Variants in FRMD5 observed in about 807,000 individuals in gnomAD.
FRMD5 encodes FERM domain containing 5, also known as FERM domain-containing protein 5.
FRMD5 carries 20 observed loss-of-function variants against 69.0 expected under a neutral mutation model. The observed-to-expected ratio is 0.29, with a 90% confidence interval of 0.20 to 0.42. FRMD5 has a LOEUF of 0.42. FRMD5 is among the 10% of genes least tolerant of loss of function. FRMD5 has a pLI of 1.00. For missense variants in FRMD5, 595 were observed against 708.6 expected (o/e 0.84, Z 1.82); for synonymous variants, 271 against 260.1 (o/e 1.04, Z -0.40).
chr15:43,884,975 G>A (rs1748590538), intron 11 of FRMD5, 180 bp from the exon 12 acceptor site: 3 of 562,100 alleles, frequency 5.3e-6, no homozygotes, highest in Admixed American at 6.0e-5. Flanking sequence ...AAACTGTCAT[G>A]ACAGCCTATC....
intron 1 of FRMD5, among the ~76,000 whole-genome samples, chr15:43,928,990 A>C (rs1173357894): frequency 3.3e-5 from 5 of 152,250 alleles, no homozygotes; most frequent in African/African-American, 1.2e-4. Flanking sequence ...TCGTTTAAAA[A>C]ATAAATTTAT....
chr15:44,004,248 T>G (rs1212136111), intron 1 of FRMD5, among the ~76,000 whole-genome samples: 1 of 152,216 alleles, frequency 6.6e-6, no homozygotes, highest in Admixed American at 6.5e-5. Flanking sequence ...CCAGAGAAAA[T>G]GCCATAGTTT....
At chr15:44,010,887 A>C (rs571227580) in intron 1 of FRMD5, among the ~76,000 whole-genome samples, 6 of 152,200 alleles carry the variant, frequency 3.9e-5, no homozygotes, top group African/African-American at 1.4e-4. Context: ...TAAAAAAAAA[A>C]TGCTTCAGTG....
At chr15:43,965,316 T>C (rs911714811) in intron 1 of FRMD5, among the ~76,000 whole-genome samples, 2 of 152,186 alleles carry the variant, frequency 1.3e-5, no homozygotes, top group Admixed American at 1.3e-4. Flanking sequence ...TAGGATGATA[T>C]CTGCCTTTTA....
At chr15:43,949,026 G>T (rs550714608) in intron 1 of FRMD5, among the ~76,000 whole-genome samples, 1 of 152,330 alleles carries the variant, frequency 6.6e-6, no homozygotes, top group East Asian at 1.9e-4. Context: ...ACCTCTTCAT[G>T]GGACACTTCT....
At chr15:43,917,626 C>G (rs1479736379) in intron 4 of FRMD5, 2 of 152,134 alleles carry the variant, frequency 1.3e-5, no homozygotes, top group Non-Finnish European at 2.9e-5. Context: ...TTCAGGTGAT[C>G]CGCCCGCCTC....
At chr15:43,875,804 G>GTTTTGTTT (rs2088328871) in intron 13 of FRMD5, 1 of 209,618 alleles carries the variant, frequency 4.8e-6, no homozygotes, top group African/African-American at 4.8e-5. Context: ...CCTGGGCCTA[G>GTTTTGTTT]TTTTTTTTTT....
In FRMD5 at chr15:44,195,262, G is replaced by A. The variant is rs571795271; in HGVS notation, c.-208C>T. The A allele has an allele frequency of 7.6e-6, 4 of 526,874 alleles. No individual in the cohort carries two copies. The highest frequency in any genetic ancestry group is 3.5e-5 in the East Asian group (1 of 28,372). The allele number at this position is 526,874 out of a possible 1,614,324, so 32.6% of individuals were successfully genotyped here. A position where few individuals can be genotyped will look rare whatever the true frequency, so the allele number is the denominator to read the frequency against. ...CGCCTCCCCCCAGCCCAGATCAAGC[G>A]CCGGGCTCTGTCTCCTCGGCGCCCC... On this transcript the variant is annotated 5_prime_UTR_variant, in exon 1 of 14. Transcript: ENST00000417257.
Position 43,873,312 on chromosome 15 carries a change from G to GTTTAC in FRMD5, c.*568_*572dup, listed in dbSNP as rs1485537408. Reference sequence around the variant, plus strand: ...TTCCATTTAATCATTCTACATGGATGTTTACTTTTTTAAAAGTTCTGGCTG... The same window carrying GTTTAC: ...TTCCATTTAATCATTCTACATGGATGTTTACTTTACTTTTTTAAAAGTTCTGGCTG... On this transcript the variant is annotated 3_prime_UTR_variant, in exon 14 of 14. Coordinates refer to ENST00000417257, the MANE Select transcript of FRMD5 (RefSeq NM_032892.5). The GTTTAC allele has an allele frequency of 6.6e-7, 1 of 1,509,826 alleles. No homozygotes were observed. Among genetic ancestry groups the GTTTAC allele is most frequent in the Non-Finnish European group, 8.8e-7 (1 of 1,133,706 alleles). The allele number at this position is 1,509,826 out of a possible 1,614,324, so 93.5% of individuals were successfully genotyped here. A position where few individuals can be genotyped will look rare whatever the true frequency, so the allele number is the denominator to read the frequency against.
chr15:43,906,716 C>G (rs950851257), intron 5 of FRMD5, among the ~76,000 whole-genome samples: 1 of 149,390 alleles, frequency 6.7e-6, no homozygotes, highest in Admixed American at 6.6e-5. Context: ...ATTCTCCTGC[C>G]TCAGCCTCCC....
At chr15:44,018,134 T>C (rs1376571190) in intron 1 of FRMD5, among the ~76,000 whole-genome samples, 1 of 152,212 alleles carries the variant, frequency 6.6e-6, no homozygotes, top group Non-Finnish European at 1.5e-5. Context: ...CTTGAAATAT[T>C]TGTTCAAAGC....
intron 1 of FRMD5, among the ~76,000 whole-genome samples, chr15:44,015,948 A>G (rs901530254): frequency 6.6e-6 from 1 of 152,358 alleles, no homozygotes; most frequent in South Asian, 2.1e-4. Flanking sequence ...AGTAAGGTTC[A>G]GAATACAATA....
At chr15:43,925,822 T>C (rs2089574668) in intron 1 of FRMD5, among the ~76,000 whole-genome samples, 1 of 152,228 alleles carries the variant, frequency 6.6e-6, no homozygotes, top group African/African-American at 2.4e-5. Flanking sequence ...GCCACTCCTA[T>C]TTTTTGAGGA....
chr15:44,171,551 T>A (rs1403333830), intron 1 of FRMD5, among the ~76,000 whole-genome samples: 1 of 152,192 alleles, frequency 6.6e-6, no homozygotes, highest in Non-Finnish European at 1.5e-5. Context: ...AGAAATTATT[T>A]TTTTTTCTGG....
intron 4 of FRMD5, among the ~76,000 whole-genome samples, chr15:43,913,121 C>A (rs533132184): frequency 3.9e-5 from 6 of 152,102 alleles, no homozygotes; most frequent in Non-Finnish European, 5.9e-5. Flanking sequence ...CATGATCCTG[C>A]TCACACTGAG....
At chr15:43,905,974 AAAC>A in intron 5 of FRMD5, 23 bp from the exon 6 acceptor site, 1 of 1,614,176 alleles carries the variant, frequency 6.2e-7, no homozygotes, top group Non-Finnish European at 8.5e-7. Context: ...AGGTGGAAGA[AAAC>A]AATTGTGGAG....
At chr15:43,954,536 C>G (rs571500396) in intron 1 of FRMD5, among the ~76,000 whole-genome samples, 1 of 152,320 alleles carries the variant, frequency 6.6e-6, no homozygotes, top group Non-Finnish European at 1.5e-5. Context: ...GACTCTCACC[C>G]AACACCATCC....
chr15:44,154,203 A>C (rs1046378289), intron 1 of FRMD5, among the ~76,000 whole-genome samples: 2 of 152,056 alleles, frequency 1.3e-5, no homozygotes, highest in Admixed American at 6.6e-5. Context: ...CATGCTTTTC[A>C]TCTCAGCTAT....
intron 1 of FRMD5, among the ~76,000 whole-genome samples, chr15:43,977,152 AG>A (rs1299848712): frequency 6.6e-6 from 1 of 151,476 alleles, no homozygotes; most frequent in African/African-American, 2.4e-5. Context: ...AAGTTTCTAT[AG>A]GGGAGGGGTT....
Sources: gnomAD v4.1 joint callset for allele counts (sites outside exome capture counted in the v4.1 genomes callset) on GRCh38, gnomAD v4.1.1 for gene constraint, MANE v1.5 for transcripts, NCBI Gene and HGNC (gene_info 2026-07-23, HGNC 2026-07-21) for gene names.